CLHC1: variants seen among roughly 807,000 people sequenced by gnomAD.
CLHC1 encodes clathrin heavy chain linker domain containing 1.
A neutral mutation model predicts 69.5 loss-of-function variants in CLHC1; 72 were observed. That is an observed-to-expected ratio of 1.04 (90% CI 0.86 to 1.26). The LOEUF (loss-of-function observed/expected upper bound fraction) is 1.26, where lower values mean the gene tolerates loss of function less well. Among genes scored for constraint, CLHC1 ranks in the 50% most tolerant of loss-of-function variants. The pLI, the probability that CLHC1 is intolerant of heterozygous loss-of-function variation, is 0.00. For missense variants in CLHC1, 790 were observed against 679.3 expected (o/e 1.16, Z -1.81); for synonymous variants, 223 against 224.3 (o/e 0.99, Z 0.05).
At chr2:55,214,025 C>A (rs576910616) in intron 4 of CLHC1, among the ~76,000 whole-genome samples, 74 of 152,148 alleles carry the variant, frequency 4.9e-4, no homozygotes, top group African/African-American at 1.7e-3. Flanking sequence ...TGGGGGATCA[C>A]ATGTCATGGA....
intron 7 of CLHC1, 59 bp downstream of exon 7, chr2:55,209,345 A>C: frequency 2.3e-5 from 22 of 976,058 alleles, no homozygotes; most frequent in Non-Finnish European, 3.0e-5. Context: ...CATTCTAACT[A>C]GCTAGCGAAA....
At chr2:55,184,545 A>G (rs1364782594) in intron 9 of CLHC1, among the ~76,000 whole-genome samples, 1 of 152,160 alleles carries the variant, frequency 6.6e-6, no homozygotes, top group Non-Finnish European at 1.5e-5. Flanking sequence ...ATAACATTCT[A>G]TCTTCTTCAT....
intron 5 of CLHC1, among the ~76,000 whole-genome samples, chr2:55,210,601 C>A (rs1386656189): frequency 6.6e-6 from 1 of 152,108 alleles, no homozygotes; most frequent in African/African-American, 2.4e-5. Flanking sequence ...ATTAACACAC[C>A]CTGAAGACCC....
Position 55,177,632 on chromosome 2 carries a change from G to A in CLHC1, c.1534C>T (p.Leu512=). 6.2e-7 allele frequency: 1 copy of A among 1,607,124 alleles called. No individual in the cohort carries two copies. The highest frequency in any genetic ancestry group is 8.5e-7 in the Non-Finnish European group (1 of 1,176,242). Residue 512 remains leucine (L), a synonymous_variant, in exon 12 of 13, where the codon CTA becomes TTA. Transcript: ENST00000401408. ...SADMKKVGIK[L]LQEINKGGID... ...CCACCTTTATTGATTTCTTGAAGTA[G>A]CTTAATGCCAACTTTTTTCATGTCT...
At chr2:55,227,960 C>A (rs1674876526) in intron 2 of CLHC1, 72 bp downstream of exon 2, 1 of 152,056 alleles carries the variant, frequency 6.6e-6, no homozygotes, top group Non-Finnish European at 1.5e-5. Flanking sequence ...AATTCTCTCC[C>A]CCTCCCTGCA....
At chr2:55,230,341 T>C (rs1304241630) in intron 1 of CLHC1, among the ~76,000 whole-genome samples, 2 of 152,184 alleles carry the variant, frequency 1.3e-5, no homozygotes, top group Non-Finnish European at 2.9e-5. Context: ...CCTTAGTGAC[T>C]GGAGAAATGG....
At chr2:55,209,974 G>A (rs1672827561) in intron 5 of CLHC1, 143 bp from the exon 6 acceptor site, 2 of 568,990 alleles carry the variant, frequency 3.5e-6, no homozygotes, top group African/African-American at 3.8e-5. Context: ...CTGAACATAA[G>A]TAAAATTAGC....
intron 9 of CLHC1, among the ~76,000 whole-genome samples, chr2:55,186,139 T>C (rs561375946): frequency 1.3e-5 from 2 of 152,152 alleles, no homozygotes; most frequent in South Asian, 4.1e-4. Flanking sequence ...CACAGGGGAA[T>C]GAAGTCTGAA....
intron 12 of CLHC1, among the ~76,000 whole-genome samples, chr2:55,176,469 C>T (rs182954139): frequency 6.6e-6 from 1 of 152,200 alleles, no homozygotes; most frequent in Non-Finnish European, 1.5e-5. Context: ...CTTTGACAAA[C>T]TCTTTATCCT....
chr2:55,193,658 C>T (rs1325190129), intron 9 of CLHC1, among the ~76,000 whole-genome samples: 1 of 152,090 alleles, frequency 6.6e-6, no homozygotes, highest in Non-Finnish European at 1.5e-5. Flanking sequence ...TCATAAGGAA[C>T]CCTTATACAT....
chr2:55,221,285 A>G (rs1242415242), intron 3 of CLHC1, among the ~76,000 whole-genome samples: 1 of 152,246 alleles, frequency 6.6e-6, no homozygotes, highest in African/African-American at 2.4e-5. Context: ...GGTGGAAAAA[A>G]AAAGCTGCAT....
intron 12 of CLHC1, 62 bp downstream of exon 12, chr2:55,177,540 A>G (rs1669508230): frequency 3.2e-6 from 4 of 1,239,022 alleles, no homozygotes; most frequent in Non-Finnish European, 4.5e-6. Context: ...ATGCATAACC[A>G]TCTTGAACCT....
intron 9 of CLHC1, among the ~76,000 whole-genome samples, chr2:55,203,991 T>G (rs1330740273): frequency 6.6e-6 from 1 of 152,074 alleles, no homozygotes; most frequent in Non-Finnish European, 1.5e-5. Flanking sequence ...TGATTAAAAA[T>G]GGGCAAAAGA....
In CLHC1 at chr2:55,181,390, A is replaced by G. The variant is rs111405826; in HGVS notation, c.1181+180T>C. Among the ~76,000 whole-genome samples the G allele has an allele frequency of 2.6e-5, 4 of 152,168 alleles. No homozygotes were observed. In the East Asian group the frequency reaches 7.7e-4, roughly 29 times the overall value. On this transcript the variant is annotated intron_variant, in intron 10 of 12. Coordinates refer to ENST00000401408, the MANE Select transcript of CLHC1 (RefSeq NM_152385.4). ...GCGATCCTCCCACCTCTACCTCCCA[A>G]AGTGTTGGGATTAGAGGCATGAGCC...
chr2:55,178,345 T>C (rs1486412786), intron 11 of CLHC1, among the ~76,000 whole-genome samples: 2 of 152,236 alleles, frequency 1.3e-5, no homozygotes, highest in Non-Finnish European at 2.9e-5. Flanking sequence ...AGTAGCTATT[T>C]CAAGTAGCCA....
At chr2:55,229,960 C>A (rs1165720321) in intron 1 of CLHC1, among the ~76,000 whole-genome samples, 1 of 152,228 alleles carries the variant, frequency 6.6e-6, no homozygotes, top group Non-Finnish European at 1.5e-5. Flanking sequence ...GTAATCCCAG[C>A]TACTGGAGAG....
intron 3 of CLHC1, among the ~76,000 whole-genome samples, chr2:55,221,466 A>G (rs1426965038): frequency 6.6e-6 from 1 of 152,234 alleles, no homozygotes; most frequent in Non-Finnish European, 1.5e-5. Context: ...CCATGACTAG[A>G]TAATTCTAGA....
At chr2:55,188,489 C>T (rs145885553) in intron 9 of CLHC1, among the ~76,000 whole-genome samples, 11 of 152,136 alleles carry the variant, frequency 7.2e-5, no homozygotes, top group East Asian at 1.9e-4. Flanking sequence ...AAATCGCATA[C>T]GTTACCATTG....
chr2:55,188,186 C>T (rs1670594831), intron 9 of CLHC1, among the ~76,000 whole-genome samples: 1 of 152,052 alleles, frequency 6.6e-6, no homozygotes, highest in Non-Finnish European at 1.5e-5. Context: ...CGTGGTGGCT[C>T]ACAGCTGTAG....
Sources: allele counts gnomAD v4.1 joint callset (sites outside exome capture counted in the v4.1 genomes callset), GRCh38; gene constraint gnomAD v4.1.1; transcripts MANE v1.5; gene names NCBI Gene and HGNC (gene_info 2026-07-23, HGNC 2026-07-21).